PRELID2: variants seen among roughly 807,000 people sequenced by gnomAD.
PRELID2 encodes the protein PRELI domain-containing protein 2.
A neutral mutation model predicts 28.4 loss-of-function variants in PRELID2; 25 were observed. The observed-to-expected ratio is 0.88, with a 90% CI of 0.64 to 1.23. The LOEUF (loss-of-function observed/expected upper bound fraction) is 1.23, where lower values mean the gene tolerates loss of function less well. Ranked by LOEUF, PRELID2 falls within the 50% of genes most tolerant of loss-of-function variation. PRELID2 has a pLI of 0.00. For missense variants in PRELID2, 201 were observed against 214.4 expected (o/e 0.94, Z 0.39); for synonymous variants, 76 against 71.6 (o/e 1.06, Z -0.31).
At chr5:145,684,459 A>G (rs1754997431) in intron 1 of PRELID2, among the ~76,000 whole-genome samples, 1 of 152,136 alleles carries the variant, frequency 6.6e-6, no homozygotes, top group Admixed American at 6.5e-5. Context: ...ACTAAAACCT[A>G]TCACTCTCTT....
intron 1 of PRELID2, among the ~76,000 whole-genome samples, chr5:145,557,886 C>A (rs1012963526): frequency 3.3e-5 from 5 of 152,002 alleles, no homozygotes; most frequent in Non-Finnish European, 1.5e-5. Context: ...AATTTGGGAC[C>A]AAAATGGCTT....
the PRELID2 span, among the ~76,000 whole-genome samples, chr5:145,447,129 T>C: frequency 6.6e-6 from 1 of 151,720 alleles, no homozygotes; most frequent in African/African-American, 2.4e-5. Flanking sequence ...TTTTTTGATA[T>C]AGTCCTGACA....
chr5:145,787,747 CCTATGCTGGTCTCAAA>C (rs1752095958), intron 5 of PRELID2, among the ~76,000 whole-genome samples: 1 of 152,004 alleles, frequency 6.6e-6, no homozygotes, highest in South Asian at 2.1e-4. Context: ...CCCTATGTTG[CCTATGCTGGTCTCAAA>C]CTCCTGAGCT....
chr5:145,512,321 G>A (rs1752468808), intron 1 of PRELID2, among the ~76,000 whole-genome samples: 1 of 152,156 alleles, frequency 6.6e-6, no homozygotes, highest in Admixed American at 6.5e-5. Context: ...AGCAGGGTGG[G>A]GAGTCGCCTC....
intron 5 of PRELID2, among the ~76,000 whole-genome samples, chr5:145,785,204 C>T (rs1302230018): frequency 1.3e-5 from 2 of 152,142 alleles, no homozygotes; most frequent in Non-Finnish European, 2.9e-5. Context: ...ATGATCACTT[C>T]ATTCTAGAGA....
At chr5:145,452,039 A>G in the PRELID2 span, among the ~76,000 whole-genome samples, 43 of 152,308 alleles carry the variant, frequency 2.8e-4, no homozygotes, top group Non-Finnish European at 4.6e-4. Flanking sequence ...TGAGTGTCCA[A>G]TGAAATATAA....
chr5:145,552,750 G>A lies in PRELID2; in HGVS notation n.71-79435C>T, dbSNP rs147818687. On this transcript the variant is annotated intron_variant and non_coding_transcript_variant, in intron 1 of 2. Transcript: ENST00000510259. Reference sequence around the variant, plus strand: ...TTTCTGTTGTTCATCACTGAGAAACGTCTTATCAACACAATTGACTGTATC... The same window carrying A: ...TTTCTGTTGTTCATCACTGAGAAACATCTTATCAACACAATTGACTGTATC... Among the ~76,000 whole-genome samples, 259 of 152,218 alleles carry A rather than the reference G, an allele frequency of 1.7e-3. 1 individual carries two copies. The highest frequency in any genetic ancestry group is 5.5e-3 in the African/African-American group (228 of 41,534).
chr5:145,335,450 G>A, the PRELID2 span, among the ~76,000 whole-genome samples: 1 of 151,606 alleles, frequency 6.6e-6, no homozygotes, highest in Admixed American at 6.6e-5. Flanking sequence ...TCTTTGTCAG[G>A]TACTTCATAG....
At chr5:145,653,084 A>G (rs999297349) in intron 1 of PRELID2, among the ~76,000 whole-genome samples, 3 of 151,984 alleles carry the variant, frequency 2.0e-5, no homozygotes, top group Admixed American at 6.5e-5. Context: ...AAACAAAAAA[A>G]GGCAGGGGTT....
At chr5:145,360,173 A>G in the PRELID2 span, among the ~76,000 whole-genome samples, 1 of 152,170 alleles carries the variant, frequency 6.6e-6, no homozygotes. Context: ...AATGGAAAGA[A>G]AGAGGGCAAT....
At chr5:145,257,916 G>A in the PRELID2 span, among the ~76,000 whole-genome samples, 1 of 152,132 alleles carries the variant, frequency 6.6e-6, no homozygotes, top group African/African-American at 2.4e-5. Context: ...GATTTCTCAT[G>A]CATGGTTTAG....
the PRELID2 span, among the ~76,000 whole-genome samples, chr5:145,449,287 G>C: frequency 6.6e-5 from 10 of 152,190 alleles, 1 homozygote; most frequent in African/African-American, 2.4e-4. Flanking sequence ...CTTAAAGGAT[G>C]GTGAATGAGG....
chr5:145,493,544 C>A (rs998471557), intron 1 of PRELID2, among the ~76,000 whole-genome samples: 6 of 152,136 alleles, frequency 3.9e-5, no homozygotes, highest in African/African-American at 1.4e-4. Flanking sequence ...CTTACATGGT[C>A]TTCCTACCTG....
the PRELID2 span, among the ~76,000 whole-genome samples, chr5:145,321,326 T>C: frequency 6.6e-6 from 1 of 152,228 alleles, no homozygotes; most frequent in Non-Finnish European, 1.5e-5. Context: ...ATTCCATTTC[T>C]AGAGAAACAA....
At position 145,791,659 on chromosome 5, in the gene PRELID2, G is replaced by T. The variant is rs898625359; in HGVS notation, c.474+4783C>A. 2.6e-5 allele frequency among the ~76,000 whole-genome samples: 4 copies of T among 152,232 alleles called. No individual in the cohort carries two copies. The East Asian group carries it at 7.7e-4, about 29-fold the overall frequency. On this transcript the variant is annotated intron_variant, in intron 5 of 6. Coordinates refer to ENST00000683046, the MANE Select transcript of PRELID2 (RefSeq NM_205846.3). ...AGTTCTGGAGATGGATGATGGTGAC[G>T]GCTGCACAACAATGTGAGTGTACTT...
chr5:145,426,302 C>A, the PRELID2 span, among the ~76,000 whole-genome samples: 13 of 152,032 alleles, frequency 8.6e-5, no homozygotes, highest in East Asian at 2.3e-3. Context: ...TTCCTTCAGA[C>A]GTTAAATTTT....
chr5:145,318,945 A>G, the PRELID2 span, among the ~76,000 whole-genome samples: 1 of 152,140 alleles, frequency 6.6e-6, no homozygotes, highest in Non-Finnish European at 1.5e-5. Context: ...GAAAGGGGAT[A>G]GAATGGGAAG....
At chr5:145,269,876 G>GTATATA in the PRELID2 span, among the ~76,000 whole-genome samples, 40 of 147,296 alleles carry the variant, frequency 2.7e-4, no homozygotes, top group African/African-American at 9.4e-4. Flanking sequence ...ACATATATAT[G>GTATATA]TATATATATA....
chr5:145,720,416 GCAA>G (rs1291384739), intron 1 of PRELID2, among the ~76,000 whole-genome samples: 1 of 151,572 alleles, frequency 6.6e-6, no homozygotes, highest in Non-Finnish European at 1.5e-5. Context: ...CTTCTCAAGA[GCAA>G]CATACAGATC....
Sources: gnomAD v4.1 joint callset for allele counts (sites outside exome capture counted in the v4.1 genomes callset) on GRCh38, gnomAD v4.1.1 for gene constraint, MANE v1.5 for transcripts, NCBI Gene and HGNC (gene_info 2026-07-23, HGNC 2026-07-21) for gene names.